The following PKP4 variants were observed in gnomAD, a reference collection of about 807,000 sequenced individuals.
The protein encoded by PKP4 is plakophilin-4.
Under a neutral mutation model 145.1 loss-of-function variants are expected in PKP4, and 90 were observed. That is an observed-to-expected ratio of 0.62 (90% CI 0.52 to 0.74). The LOEUF (loss-of-function observed/expected upper bound fraction) is 0.74. Ranked by LOEUF, PKP4 falls within the 30% of genes least tolerant of loss-of-function variation. The pLI is 0.00. For synonymous variants in PKP4, 563 were observed against 577.2 expected, an observed-to-expected ratio of 0.98 and a Z score of 0.35; for missense variants, 1,340 against 1,482.7, an observed-to-expected ratio of 0.90 and a Z score of 1.58.
chr2:158,543,175 T>G (rs1284431824), intron 2 of PKP4, among the ~76,000 whole-genome samples: 1 of 152,210 alleles, frequency 6.6e-6, no homozygotes, highest in East Asian at 1.9e-4. Flanking sequence ...TTTAAATTTT[T>G]GGAATATTTG....
rs1458983972 is a variant in PKP4, at chr2:158,625,238, C to G, written c.964C>G (p.Gln322Glu). 1 of 1,614,222 alleles carries G rather than the reference C, an allele frequency of 6.2e-7. No homozygotes were observed. The highest frequency in any genetic ancestry group is 2.2e-5 in the East Asian group (1 of 44,882). Residue 322 changes from glutamine to glutamate, a missense_variant, in exon 7 of 22, where the codon CAG becomes GAG. Physicochemically the swap from Gln to Glu is conservative, Grantham distance 29 (BLOSUM62 2). Coordinates refer to ENST00000389759, the MANE Select transcript of PKP4 (RefSeq NM_003628.6). ...VGSPLTLTDA[Q>E]TRVASPSQGQ... ...GTCCCCACTGACCCTGACGGATGCA[C>G]AGACTCGAGTAGCTTCCCCATCCCA...
chr2:158,562,583 T>C (rs2046630030), intron 2 of PKP4, among the ~76,000 whole-genome samples: 1 of 152,182 alleles, frequency 6.6e-6, no homozygotes, highest in Non-Finnish European at 1.5e-5. Context: ...GTGAATATAC[T>C]TAAAGCCCTG....
At chr2:158,470,822 A>G (rs1691451080) in intron 1 of PKP4, among the ~76,000 whole-genome samples, 1 of 152,154 alleles carries the variant, frequency 6.6e-6, no homozygotes, top group African/African-American at 2.4e-5. Context: ...ACCTCCCCTG[A>G]TGCTAATTTT....
chr2:158,538,563 A>G (rs1371414334), intron 2 of PKP4, among the ~76,000 whole-genome samples: 2 of 132,568 alleles, frequency 1.5e-5, no homozygotes, highest in Non-Finnish European at 1.6e-5. Flanking sequence ...TTTTTGAGAC[A>G]GACTCTCGCT....
intron 1 of PKP4, among the ~76,000 whole-genome samples, chr2:158,483,963 C>T (rs1693752906): frequency 6.6e-6 from 1 of 150,898 alleles, no homozygotes; most frequent in African/African-American, 2.4e-5. Flanking sequence ...TAATGAATTT[C>T]TTTGTGTGTG....
At chr2:158,544,366 T>C (rs1346059412) in intron 2 of PKP4, among the ~76,000 whole-genome samples, 1 of 152,176 alleles carries the variant, frequency 6.6e-6, no homozygotes, top group Non-Finnish European at 1.5e-5. Context: ...TATCCTTAAG[T>C]CAGCAAAGTA....
At chr2:158,536,143 T>C (rs1286477413) in intron 2 of PKP4, among the ~76,000 whole-genome samples, 1 of 152,156 alleles carries the variant, frequency 6.6e-6, no homozygotes, top group Non-Finnish European at 1.5e-5. Flanking sequence ...TGAGCCCTTT[T>C]TTTGGACATT....
rs1574113864 is a variant in PKP4, at chr2:158,497,891, A to G, written c.-5-35289A>G. Among the ~76,000 whole-genome samples the G allele has an allele frequency of 5.3e-5, 8 of 152,356 alleles. No homozygotes were observed. In the South Asian group the frequency reaches 8.3e-4, roughly 16 times the overall value. ...TCCCAGTAAATGTTGCCTGTTCGGT[A>G]TACAGTCAAAATCTCCCAAAACAAA... On this transcript the variant is annotated intron_variant, in intron 1 of 21. Coordinates refer to ENST00000389759, the MANE Select transcript of PKP4 (RefSeq NM_003628.6).
intron 1 of PKP4, among the ~76,000 whole-genome samples, chr2:158,464,680 C>T (rs1690309519): frequency 6.6e-6 from 1 of 152,198 alleles, no homozygotes; most frequent in Non-Finnish European, 1.5e-5. Context: ...CCCATACCTT[C>T]ATGAGAATTG....
chr2:158,636,531 G>A (rs1249636618), intron 9 of PKP4, among the ~76,000 whole-genome samples: 1 of 152,004 alleles, frequency 6.6e-6, no homozygotes. Context: ...GGTTCACTGA[G>A]ATTCTTGGAA....
intron 11 of PKP4, among the ~76,000 whole-genome samples, chr2:158,649,776 G>C (rs2055179893): frequency 6.6e-6 from 1 of 152,172 alleles, no homozygotes; most frequent in Non-Finnish European, 1.5e-5. Flanking sequence ...GTAATAACAT[G>C]CTCCCTCAGT....
intron 15 of PKP4, 149 bp from the exon 16 acceptor site, chr2:158,666,264 C>T (rs563024138): frequency 3.1e-6 from 2 of 646,112 alleles, no homozygotes; most frequent in South Asian, 5.0e-5. Flanking sequence ...TTGGTTTTCT[C>T]TTCACTGACA....
At chr2:158,568,725 G>A (rs2047192746) in intron 2 of PKP4, among the ~76,000 whole-genome samples, 1 of 152,118 alleles carries the variant, frequency 6.6e-6, no homozygotes, top group African/African-American at 2.4e-5. Flanking sequence ...TGTAATCCCA[G>A]CACTTTGGGA....
intron 1 of PKP4, among the ~76,000 whole-genome samples, chr2:158,504,456 T>C (rs542269282): frequency 6.6e-6 from 1 of 152,388 alleles, no homozygotes; most frequent in South Asian, 2.1e-4. Context: ...ATTTCTTTGC[T>C]TCTCATTCTT....
chr2:158,653,058 G>C (rs953441955), intron 11 of PKP4, among the ~76,000 whole-genome samples: 2 of 152,130 alleles, frequency 1.3e-5, no homozygotes, highest in African/African-American at 2.4e-5. Flanking sequence ...TATGGCTGTT[G>C]CTTTTTTGCT....
intron 7 of PKP4, among the ~76,000 whole-genome samples, chr2:158,627,217 A>G (rs1350930035): frequency 6.6e-6 from 1 of 152,130 alleles, no homozygotes; most frequent in Non-Finnish European, 1.5e-5. Flanking sequence ...ATGAAATTCT[A>G]CCTCCCAAGG....
At chr2:158,547,939 C>A (rs1418591144) in intron 2 of PKP4, among the ~76,000 whole-genome samples, 2 of 152,202 alleles carry the variant, frequency 1.3e-5, no homozygotes, top group African/African-American at 2.4e-5. Flanking sequence ...GACCGGAGTT[C>A]AAGTCTGTGC....
rs372275640 is a variant in PKP4 at position 158,658,248 on chromosome 2, T to G, written c.2027T>G (p.Phe676Cys). 5.0e-5 allele frequency: 80 copies of G among 1,605,696 alleles called. No homozygotes were observed. Among genetic ancestry groups the G allele is most frequent in the Non-Finnish European group, 6.3e-5 (74 of 1,173,058 alleles). The change falls in exon 12 of 22, where the codon TTT becomes TGT. Residue 676 changes from phenylalanine (F) to cysteine (C), a missense_variant. Coordinates refer to ENST00000389759, the MANE Select transcript of PKP4 (RefSeq NM_003628.6). Reference protein sequence around the residue: ...VPHSGWNNSSFDDDHKIKFQT... With the variant: ...VPHSGWNNSSCDDDHKIKFQT... ...CATTCTGGATGGAATAACTCTTCTT[T>G]TGATGATGATCATAAAATTAAATTT...
intron 21 of PKP4, 199 bp downstream of exon 21, chr2:158,678,853 A>G (rs1327371273): frequency 1.6e-5 from 10 of 606,234 alleles, no homozygotes; most frequent in East Asian, 1.4e-4. Context: ...GAGTATCCAC[A>G]TCGGTACTGC....
Sources: gnomAD v4.1 joint callset for allele counts (sites outside exome capture counted in the v4.1 genomes callset) on GRCh38, gnomAD v4.1.1 for gene constraint, MANE v1.5 for transcripts, NCBI Gene and HGNC (gene_info 2026-07-23, HGNC 2026-07-21) for gene names.